NPSR1: variants seen among roughly 807,000 people sequenced by gnomAD.
NPSR1 encodes neuropeptide S receptor.
In NPSR1, 48 loss-of-function variants were observed where a neutral mutation model predicts 46.9. That is an observed-to-expected ratio of 1.02 (90% confidence interval 0.81 to 1.30). The LOEUF is 1.30. Ranked by LOEUF, NPSR1 falls within the 50% of genes most tolerant of loss-of-function variation. The probability of loss-of-function intolerance (pLI) is 0.00; values close to 1 mark genes in which losing one functional copy is unlikely to be tolerated. For synonymous variants in NPSR1, 176 were observed against 168.1 expected (o/e 1.05, Z -0.36); for missense variants, 450 against 449.5 (o/e 1.00, Z -0.01).
intron 8 of NPSR1, among the ~76,000 whole-genome samples, chr7:34,867,398 C>A (rs566724376): frequency 6.6e-6 from 1 of 151,862 alleles, no homozygotes; most frequent in Non-Finnish European, 1.5e-5. Context: ...CATTGCGCCT[C>A]CTGTTTCTAT....
intron 8 of NPSR1, among the ~76,000 whole-genome samples, chr7:34,857,114 T>C (rs1480154884): frequency 6.6e-6 from 1 of 151,820 alleles, no homozygotes; most frequent in African/African-American, 2.4e-5. Flanking sequence ...ATAATACTAT[T>C]GAGATATATT....
intron 8 of NPSR1, among the ~76,000 whole-genome samples, chr7:34,870,895 G>GATGA (rs1397354803): frequency 1.3e-5 from 2 of 150,546 alleles, no homozygotes; most frequent in Non-Finnish European, 2.9e-5. Context: ...TGGATGGATG[G>GATGA]ATGGATGAAT....
intron 3 of NPSR1, among the ~76,000 whole-genome samples, chr7:34,804,690 A>G (rs964629792): frequency 1.3e-5 from 2 of 152,100 alleles, no homozygotes; most frequent in African/African-American, 4.8e-5. Context: ...CAGGACAAGA[A>G]AAGTAAATAA....
chr7:34,721,115 G>A (rs543908658), intron 2 of NPSR1, among the ~76,000 whole-genome samples: 106 of 152,270 alleles, frequency 7.0e-4, no homozygotes, highest in African/African-American at 2.4e-3. Flanking sequence ...GGCAGGGAGG[G>A]TAAAGGAATA....
chr7:34,844,871 T>A (rs369444627), intron 6 of NPSR1, 25 bp from the exon 7 acceptor site: 138 of 1,418,172 alleles, frequency 9.7e-5, no homozygotes, highest in Non-Finnish European at 9.5e-5. Flanking sequence ...CACTTCATCT[T>A]ACTATTCCCC....
At chr7:34,836,867 C>G (rs1790395945) in intron 6 of NPSR1, among the ~76,000 whole-genome samples, 1 of 151,964 alleles carries the variant, frequency 6.6e-6, no homozygotes, top group Non-Finnish European at 1.5e-5. Context: ...AATTATATAG[C>G]CATACAATTA....
At position 34,827,453 on chromosome 7, in the gene NPSR1, C is replaced by G; in HGVS notation, c.531C>G (p.Phe177Leu). The G allele has an allele frequency of 6.2e-7, 1 of 1,614,122 alleles. No individual in the cohort carries two copies. Among genetic ancestry groups the G allele is most frequent in the Non-Finnish European group, 8.5e-7 (1 of 1,180,018 alleles). Residue 177 changes from phenylalanine to leucine, a missense_variant, in exon 5 of 9, where the codon TTC becomes TTG. Phe to Leu is a conservative substitution (Grantham distance 22). Transcript: ENST00000360581. ...TCGCCTGGAGCCTGTCTTTTCTGTT[C>G]TCCATTCCCACCCTGATCATATTTG... Reference protein sequence around the residue: ...IVIAWSLSFLFSIPTLIIFGK... With the variant: ...IVIAWSLSFLLSIPTLIIFGK...
At chr7:34,828,630 G>A (rs1485019212) in intron 5 of NPSR1, among the ~76,000 whole-genome samples, 2 of 152,222 alleles carry the variant, frequency 1.3e-5, no homozygotes, top group African/African-American at 4.8e-5. Flanking sequence ...ATAACACATT[G>A]TAAGCAAAGG....
chr7:34,865,396 C>A (rs951155675), intron 8 of NPSR1, among the ~76,000 whole-genome samples: 2 of 151,530 alleles, frequency 1.3e-5, no homozygotes, highest in Non-Finnish European at 2.9e-5. Flanking sequence ...ATGGACAGCT[C>A]CCCCCATGAA....
At chr7:34,845,301 C>T (rs1271140179) in intron 7 of NPSR1, among the ~76,000 whole-genome samples, 1 of 152,222 alleles carries the variant, frequency 6.6e-6, no homozygotes, top group Non-Finnish European at 1.5e-5. Flanking sequence ...TTAAGACACA[C>T]TGTTCCCCAG....
rs1182491055 is a variant in NPSR1 at position 34,848,677 on chromosome 7, T to C, written c.1025+14T>C. ...TTTCCCCTGCAGGTAAGGGGAGCTC[T>C]TGCATGGGTCAGACACACTGATGGC... is the stretch of plus-strand genomic sequence containing the variant. On this transcript the variant is annotated intron_variant, in intron 8 of 8. Coordinates refer to ENST00000360581, the MANE Select transcript of NPSR1 (RefSeq NM_207172.2). 6.8e-6 allele frequency: 11 copies of C among 1,610,826 alleles called. No homozygotes were observed. Among genetic ancestry groups the C allele is most frequent in the Non-Finnish European group, 9.3e-6 (11 of 1,178,518 alleles).
At chr7:34,715,837 T>C (rs1308912599) in intron 2 of NPSR1, among the ~76,000 whole-genome samples, 2 of 152,182 alleles carry the variant, frequency 1.3e-5, no homozygotes, top group East Asian at 1.9e-4. Flanking sequence ...GGGCGATCCA[T>C]GAGGAGCAGC....
Position 34,658,338 on chromosome 7 carries a change from G to T in NPSR1, c.-75G>T. The T allele has an allele frequency of 5.8e-6, 9 of 1,550,510 alleles. No individual in the cohort carries two copies. The highest frequency in any genetic ancestry group is 7.9e-6 in the Non-Finnish European group (9 of 1,134,518). On this transcript the variant is annotated 5_prime_UTR_variant, in exon 1 of 9. Coordinates refer to ENST00000360581, the MANE Select transcript of NPSR1 (RefSeq NM_207172.2). Reference sequence around the variant, plus strand: ...TCAGCAGAGCTGCAGCTGCTGCCCAGCTCTCAGGAGGCAAGCTGGACTCCC... The same window carrying T: ...TCAGCAGAGCTGCAGCTGCTGCCCATCTCTCAGGAGGCAAGCTGGACTCCC...
At chr7:34,868,330 C>T (rs1351335111) in intron 8 of NPSR1, among the ~76,000 whole-genome samples, 3 of 151,608 alleles carry the variant, frequency 2.0e-5, no homozygotes, top group African/African-American at 7.3e-5. Flanking sequence ...CTGTTACTCC[C>T]GCCTGGCCTA....
rs759562525 is a variant in NPSR1 at position 34,848,476 on chromosome 7, C to A, written c.845-7C>A. ...GCTGTGATGCTAATGGCTCTCTTCT[C>A]CCCCAGCCTTCATCTGCTGTTGGAG... On this transcript the variant is annotated splice_polypyrimidine_tract_variant and splice_region_variant and intron_variant, in intron 7 of 8. Coordinates refer to ENST00000360581, the MANE Select transcript of NPSR1 (RefSeq NM_207172.2). 1 of 1,613,390 alleles carries A rather than the reference C, an allele frequency of 6.2e-7. No homozygotes were observed. The highest frequency in any genetic ancestry group is 8.5e-7 in the Non-Finnish European group (1 of 1,179,646).
chr7:34,677,629 G>C (rs1213842531), intron 1 of NPSR1, among the ~76,000 whole-genome samples: 5 of 152,208 alleles, frequency 3.3e-5, no homozygotes, highest in African/African-American at 1.2e-4. Context: ...ACAAGGTGTA[G>C]AGTAGGTAAG....
At position 34,658,450 on chromosome 7, in the gene NPSR1, G is replaced by T. The variant is rs781670018; in HGVS notation, c.38G>T (p.Ser13Ile). The change falls in exon 1 of 9, where the codon AGT becomes ATT. Residue 13 changes from serine to isoleucine, a missense_variant. Physicochemically the swap from Ser to Ile is moderately radical, Grantham distance 142 (BLOSUM62 -2). Transcript: ENST00000360581. ...ANFTEGSFDS[S>I]GTGQTLDSSP... is the part of the protein sequence containing the mutation. ...TTCACAGAGGGCAGCTTCGATTCCA[G>T]TGGGACCGGGCAGACGCTGGATTCT... 6.2e-7 allele frequency: 1 copy of T among 1,614,078 alleles called. No individual in the cohort carries two copies. Among genetic ancestry groups the T allele is most frequent in the Non-Finnish European group, 8.5e-7 (1 of 1,180,016 alleles).
chr7:34,808,122 C>T (rs2128749807), intron 3 of NPSR1, among the ~76,000 whole-genome samples: 1 of 152,236 alleles, frequency 6.6e-6, no homozygotes, highest in East Asian at 1.9e-4. Context: ...GATATGGTCA[C>T]ACGCCAAGGA....
intron 2 of NPSR1, among the ~76,000 whole-genome samples, chr7:34,697,212 T>G (rs1793575543): frequency 6.6e-6 from 1 of 152,066 alleles, no homozygotes; most frequent in South Asian, 2.1e-4. Flanking sequence ...AACAAAATTA[T>G]GCATGATTAT....
Sources: gnomAD v4.1 joint callset for allele counts (sites outside exome capture counted in the v4.1 genomes callset) on GRCh38, gnomAD v4.1.1 for gene constraint, MANE v1.5 for transcripts, NCBI Gene and HGNC (gene_info 2026-07-23, HGNC 2026-07-21) for gene names.